PPP1R21: variants seen among roughly 807,000 people sequenced by gnomAD.
PPP1R21 encodes the protein protein phosphatase 1 regulatory subunit 21, also known as KLRAQ motif containing 1.
In PPP1R21, 85 loss-of-function variants were observed where a neutral mutation model predicts 112.8. The ratio of observed to expected loss-of-function variants is 0.75; its 90% CI spans 0.63 to 0.90. The LOEUF is 0.90. PPP1R21 is among the 40% of genes least tolerant of loss of function. The probability of loss-of-function intolerance (pLI) is 0.00; values close to 1 mark genes in which losing one functional copy is unlikely to be tolerated. For missense variants in PPP1R21, 1,199 were observed against 901.5 expected, an observed-to-expected ratio of 1.33 and a Z score of -4.23; for synonymous variants, 381 against 322.3, an observed-to-expected ratio of 1.18 and a Z score of -1.95.
rs546175362 is a variant in PPP1R21, at chr2:48,502,394, T to C, written c.1936-3170T>C. Among the ~76,000 whole-genome samples, 18 of 148,158 alleles carry C rather than the reference T, an allele frequency of 1.2e-4. No homozygotes were observed. The South Asian group carries it at 3.8e-3, about 32-fold the overall frequency. On this transcript the variant is annotated intron_variant, in intron 17 of 21. Coordinates refer to ENST00000294952, the MANE Select transcript of PPP1R21 (RefSeq NM_001135629.3). The stretch of plus-strand genomic sequence containing the variant: ...GTCTTGCCTTGCACACAGTGCACAA[T>C]AGAAATAAAAAGAGATGGAGTTTTC...
chr2:48,471,066 A>C, intron 9 of PPP1R21, 21 bp from the exon 10 acceptor site: 1 of 1,483,530 alleles, frequency 6.7e-7, no homozygotes. Context: ...TTTAATTCAC[A>C]ATACTTTCCC....
At chr2:48,514,385 T>C (rs529818371) in intron 21 of PPP1R21, among the ~76,000 whole-genome samples, 24 of 152,270 alleles carry the variant, frequency 1.6e-4, no homozygotes, top group South Asian at 4.1e-4. Context: ...TTATTCAGCT[T>C]CTTGAAATCT....
chr2:48,480,131 T>G (rs1668944440), intron 13 of PPP1R21, 115 bp downstream of exon 13: 1 of 753,222 alleles, frequency 1.3e-6, no homozygotes, highest in South Asian at 1.5e-5. Context: ...AAAGGCTTAT[T>G]AGCATTTGGC....
At chr2:48,467,337 AG>A (rs1668252136) in intron 9 of PPP1R21, among the ~76,000 whole-genome samples, 1 of 152,248 alleles carries the variant, frequency 6.6e-6, no homozygotes, top group Admixed American at 6.5e-5. Flanking sequence ...TTAACCGAAA[AG>A]GATAAAATAA....
At chr2:48,466,552 G>T (rs1045421964) in intron 9 of PPP1R21, among the ~76,000 whole-genome samples, 2 of 152,058 alleles carry the variant, frequency 1.3e-5, no homozygotes, top group Admixed American at 1.3e-4. Context: ...AAAGACCTCA[G>T]TGTGAGCGAG....
At chr2:48,442,706 A>G (rs1483007131) in intron 1 of PPP1R21, among the ~76,000 whole-genome samples, 1 of 152,198 alleles carries the variant, frequency 6.6e-6, no homozygotes. Context: ...GAAATGAAGG[A>G]GTAGTAGCTT....
intron 7 of PPP1R21, 23 bp from the exon 8 acceptor site, chr2:48,464,914 T>C (rs1278216936): frequency 5.2e-6 from 8 of 1,550,116 alleles, no homozygotes; most frequent in African/African-American, 1.4e-5. Context: ...AGAGACTTAA[T>C]GTACATTATT....
intron 3 of PPP1R21, among the ~76,000 whole-genome samples, chr2:48,456,364 G>T (rs1434426327): frequency 6.6e-6 from 1 of 151,970 alleles, no homozygotes; most frequent in Non-Finnish European, 1.5e-5. Context: ...AGAATGGGTA[G>T]AAGGGAAGGA....
chr2:48,440,859 C>T lies in PPP1R21; in HGVS notation c.-95C>T, dbSNP rs1457537129. On this transcript the variant is annotated 5_prime_UTR_variant, in exon 1 of 22. Transcript: ENST00000294952. The stretch of plus-strand genomic sequence containing the variant: ...GCTGCGGTGGCCAAGCAGGCAGATA[C>T]TGCCTGACCCGTTCCCGGGAGCGTG... 54 of 878,858 alleles carry T rather than the reference C, an allele frequency of 6.1e-5. No individual in the cohort carries two copies. The Admixed American group carries it at 1.3e-3, about 20-fold the overall frequency. 54.4% of individuals were successfully genotyped at this position (878,858 alleles called of 1,614,324 possible). A position where few individuals can be genotyped will look rare whatever the true frequency, so the allele number is the denominator to read the frequency against.
chr2:48,473,627 G>A (rs1033401772), intron 11 of PPP1R21, among the ~76,000 whole-genome samples: 1 of 152,164 alleles, frequency 6.6e-6, no homozygotes, highest in African/African-American at 2.4e-5. Flanking sequence ...TTGTTTAGTA[G>A]TAAATGGGCT....
chr2:48,441,173 A>G, intron 1 of PPP1R21, 163 bp downstream of exon 1: 1 of 632,890 alleles, frequency 1.6e-6, no homozygotes, highest in Non-Finnish European at 2.8e-6. Flanking sequence ...CTCCACCTGC[A>G]GCTCCCAGGA....
chr2:48,492,423 ACTGT>A (rs1413282657), intron 15 of PPP1R21, among the ~76,000 whole-genome samples: 2 of 151,796 alleles, frequency 1.3e-5, no homozygotes, highest in Admixed American at 6.6e-5. Context: ...TGACTTAGAG[ACTGT>A]CTATGTCATT....
intron 12 of PPP1R21, among the ~76,000 whole-genome samples, chr2:48,479,302 G>T (rs572051358): frequency 6.6e-6 from 1 of 152,230 alleles, no homozygotes; most frequent in Non-Finnish European, 1.5e-5. Context: ...TACCTATTGG[G>T]AATGGAATTT....
Position 48,461,352 on chromosome 2 carries a change from C to G in PPP1R21, c.694+120C>G, listed in dbSNP as rs907571229. The G allele has an allele frequency of 7.6e-6, 10 of 1,320,054 alleles. No individual in the cohort carries two copies. In the African/African-American group the frequency reaches 1.6e-4, roughly 21 times the overall value. The allele number at this position is 1,320,054 out of a possible 1,614,324, so 81.8% of individuals were successfully genotyped here. ...ATTTAATTGGCCCCACAGAAGATTG[C>G]TTTCTCTTTGTTCATTTGATCAGCC... On this transcript the variant is annotated intron_variant, in intron 7 of 21. Transcript: ENST00000294952.
chr2:48,452,085 T>C (rs529749937), intron 2 of PPP1R21, among the ~76,000 whole-genome samples: 10 of 152,362 alleles, frequency 6.6e-5, no homozygotes, highest in African/African-American at 2.4e-4. Flanking sequence ...CAGGATTTAT[T>C]AGTCAAGTTA....
intron 18 of PPP1R21, among the ~76,000 whole-genome samples, chr2:48,506,304 G>C (rs922532685): frequency 6.6e-6 from 1 of 152,130 alleles, no homozygotes; most frequent in African/African-American, 2.4e-5. Context: ...ATGTTGGCCA[G>C]GCTGGTCTCA....
In PPP1R21 at chr2:48,465,659, A is replaced by T. The variant is rs1322905732; in HGVS notation, c.897+17A>T. 5.6e-6 allele frequency: 9 copies of T among 1,608,126 alleles called. No homozygotes were observed. Among genetic ancestry groups the T allele is most frequent in the Non-Finnish European group, 7.6e-6 (9 of 1,177,578 alleles). On this transcript the variant is annotated intron_variant, in intron 9 of 21. Coordinates refer to ENST00000294952, the MANE Select transcript of PPP1R21 (RefSeq NM_001135629.3). ...AATCAGAAGGTAAATTTAATTCAGG[A>T]TACATTTTGTTTGCCCTGAACAAAA...
At chr2:48,481,932 G>A (rs368802576) in intron 13 of PPP1R21, among the ~76,000 whole-genome samples, 3 of 152,000 alleles carry the variant, frequency 2.0e-5, no homozygotes, top group African/African-American at 4.8e-5. Flanking sequence ...TAAAAGTATC[G>A]TACAAAATTA....
chr2:48,474,236 A>G (rs1032281468), intron 11 of PPP1R21, among the ~76,000 whole-genome samples: 1 of 150,662 alleles, frequency 6.6e-6, no homozygotes, highest in Admixed American at 6.6e-5. Flanking sequence ...TACAAAAATT[A>G]GCCGGGCGTG....
Sources: allele counts gnomAD v4.1 joint callset (sites outside exome capture counted in the v4.1 genomes callset), GRCh38; gene constraint gnomAD v4.1.1; transcripts MANE v1.5; gene names NCBI Gene and HGNC (gene_info 2026-07-23, HGNC 2026-07-21).